Variants in SPRED2 observed in about 807,000 individuals in gnomAD.
SPRED2 encodes sprouty related EVH1 domain containing 2, also known as sprouty-related, EVH1 domain-containing protein 2.
Under a neutral mutation model 43.0 loss-of-function variants are expected in SPRED2, and 47 were observed. That is an observed-to-expected ratio of 1.09 (90% CI 0.87 to 1.40). The LOEUF is 1.40. Ranked by LOEUF, SPRED2 falls within the 40% of genes most tolerant of loss-of-function variation. The pLI is 0.00. For missense variants in SPRED2, 561 were observed against 586.4 expected, an observed-to-expected ratio of 0.96 and a Z score of 0.45; for synonymous variants, 225 against 225.7, an observed-to-expected ratio of 1.00 and a Z score of 0.03.
chr2:65,325,622 A>T (rs1014010214), intron 4 of SPRED2, among the ~76,000 whole-genome samples: 2 of 152,158 alleles, frequency 1.3e-5, no homozygotes, highest in African/African-American at 4.8e-5. Context: ...AGTTGGACTA[A>T]GCCCGTTGCT....
chr2:65,375,364 C>A (rs751083363), intron 1 of SPRED2, among the ~76,000 whole-genome samples: 3 of 152,174 alleles, frequency 2.0e-5, no homozygotes, highest in Non-Finnish European at 2.9e-5. Context: ...GTGTATAGCC[C>A]TATTCAAAAG....
Position 65,334,664 on chromosome 2 carries a change from G to A in SPRED2, c.314C>T (p.Pro105Leu). ...NRKFGLTFQS[P>L]ADARAFDRGV... Reference sequence around the variant, plus strand: ...CCTGTCAAAGGCTCGGGCATCAGCAGGGCTTTGGAAAGTAAGTCCAAACTT... The same window carrying A: ...CCTGTCAAAGGCTCGGGCATCAGCAAGGCTTTGGAAAGTAAGTCCAAACTT... Residue 105 changes from proline to leucine, a missense_variant, in exon 3 of 6, where the codon CCT becomes CTT. Pro to Leu is a moderately conservative substitution (Grantham distance 98, BLOSUM62 -3). Transcript: ENST00000356388. 6.2e-7 allele frequency: 1 copy of A among 1,614,210 alleles called. No individual in the cohort carries two copies. Among genetic ancestry groups the A allele is most frequent in the Non-Finnish European group, 8.5e-7 (1 of 1,180,038 alleles).
intron 1 of SPRED2, among the ~76,000 whole-genome samples, chr2:65,366,305 AAACAAC>A (rs6146790): frequency 6.6e-6 from 1 of 151,436 alleles, no homozygotes; most frequent in Non-Finnish European, 1.5e-5. Flanking sequence ...TAATAATAAA[AAACAAC>A]AACAACAACA....
chr2:65,350,440 G>C (rs540953697), intron 1 of SPRED2, among the ~76,000 whole-genome samples: 6 of 152,326 alleles, frequency 3.9e-5, no homozygotes, highest in Admixed American at 1.3e-4. Flanking sequence ...CCGAGTGTCT[G>C]AACTTGAGCT....
At position 65,312,815 on chromosome 2, in the gene SPRED2, A is replaced by G; in HGVS notation, c.*686T>C. 1.0e-6 allele frequency: 1 copy of G among 985,904 alleles called. No individual in the cohort carries two copies. The allele number at this position is 985,904 out of a possible 1,614,324, so 61.1% of individuals were successfully genotyped here. Reference sequence around the variant, plus strand: ...CTATTACGGGTGAATGTTTTGCATCAGTGAATCATTTCAACAGATTTTGGG... The same window carrying G: ...CTATTACGGGTGAATGTTTTGCATCGGTGAATCATTTCAACAGATTTTGGG... On this transcript the variant is annotated 3_prime_UTR_variant, in exon 6 of 6. Coordinates refer to ENST00000356388, the MANE Select transcript of SPRED2 (RefSeq NM_181784.3).
chr2:65,400,391 C>A (rs1675857773), intron 1 of SPRED2, among the ~76,000 whole-genome samples: 1 of 152,140 alleles, frequency 6.6e-6, no homozygotes, highest in Non-Finnish European at 1.5e-5. Flanking sequence ...ACAAATAGGG[C>A]CAGAAAAAAA....
intron 1 of SPRED2, among the ~76,000 whole-genome samples, chr2:65,361,841 T>C (rs1674823150): frequency 6.6e-6 from 1 of 152,220 alleles, no homozygotes; most frequent in South Asian, 2.1e-4. Context: ...GCAGCCTTTA[T>C]GACACATGCT....
At chr2:65,331,589 A>G (rs1673812998) in intron 4 of SPRED2, among the ~76,000 whole-genome samples, 1 of 152,176 alleles carries the variant, frequency 6.6e-6, no homozygotes, top group Non-Finnish European at 1.5e-5. Flanking sequence ...GTGTTCACAG[A>G]AGACTCCAAA....
intron 1 of SPRED2, among the ~76,000 whole-genome samples, chr2:65,391,325 A>G (rs138023773): frequency 6.6e-6 from 1 of 152,294 alleles, no homozygotes; most frequent in East Asian, 1.9e-4. Context: ...AACATAAAAG[A>G]ATAAACAAGA....
At chr2:65,317,513 AAACAACAACAACAAC>A (rs200353741) in intron 4 of SPRED2, among the ~76,000 whole-genome samples, 133 of 147,346 alleles carry the variant, frequency 9.0e-4, no homozygotes, top group Admixed American at 2.0e-3. Context: ...ACTCCATCTC[AAACAACAACAACAAC>A]AACAACAACA....
At chr2:65,403,263 A>C (rs534520932) in intron 1 of SPRED2, among the ~76,000 whole-genome samples, 1 of 152,304 alleles carries the variant, frequency 6.6e-6, no homozygotes, top group East Asian at 1.9e-4. Flanking sequence ...TTAGAATAAG[A>C]TCAGATAGAC....
At chr2:65,371,493 C>A (rs1329786323) in intron 1 of SPRED2, among the ~76,000 whole-genome samples, 1 of 152,128 alleles carries the variant, frequency 6.6e-6, no homozygotes, top group Non-Finnish European at 1.5e-5. Context: ...ATGTTAAATA[C>A]TGATGAGAAT....
At chr2:65,425,916 T>A (rs1452919889) in intron 1 of SPRED2, among the ~76,000 whole-genome samples, 3 of 152,246 alleles carry the variant, frequency 2.0e-5, no homozygotes, top group Non-Finnish European at 4.4e-5. Flanking sequence ...TCTGCCTCTA[T>A]TATCACTTGT....
At chr2:65,372,446 G>T (rs1224188383) in intron 1 of SPRED2, among the ~76,000 whole-genome samples, 1 of 152,218 alleles carries the variant, frequency 6.6e-6, no homozygotes, top group African/African-American at 2.4e-5. Context: ...AATGAAAAGG[G>T]AATGGTTGCG....
At chr2:65,361,756 A>T (rs1375564195) in intron 1 of SPRED2, among the ~76,000 whole-genome samples, 1 of 152,234 alleles carries the variant, frequency 6.6e-6, no homozygotes, top group East Asian at 1.9e-4. Flanking sequence ...GATTTTGCAC[A>T]TTGCAGTTCT....
intron 1 of SPRED2, 40 bp downstream of exon 1, chr2:65,431,922 C>T: frequency 6.2e-7 from 1 of 1,613,080 alleles, no homozygotes; most frequent in Non-Finnish European, 8.5e-7. Flanking sequence ...CCACGCTGCC[C>T]CTGAGGGGCA....
intron 5 of SPRED2, among the ~76,000 whole-genome samples, 182 bp from the exon 6 acceptor site, chr2:65,314,351 G>A (rs998379012): frequency 6.6e-6 from 1 of 152,232 alleles, no homozygotes; most frequent in Non-Finnish European, 1.5e-5. Context: ...CGCCCAGTCA[G>A]AGATGTATTT....
intron 1 of SPRED2, among the ~76,000 whole-genome samples, chr2:65,385,432 G>T (rs368202833): frequency 6.6e-6 from 1 of 152,156 alleles, no homozygotes; most frequent in Non-Finnish European, 1.5e-5. Flanking sequence ...TCCATTAACC[G>T]CCATTGTGAA....
At position 65,432,104 on chromosome 2, in the gene SPRED2, C is replaced by G; in HGVS notation, c.-117G>C. 1 of 1,368,944 alleles carries G rather than the reference C, an allele frequency of 7.3e-7. No homozygotes were observed. Among genetic ancestry groups the G allele is most frequent in the Non-Finnish European group, 1.0e-6 (1 of 979,804 alleles). The allele number at this position is 1,368,944 out of a possible 1,614,324, so 84.8% of individuals were successfully genotyped here. On this transcript the variant is annotated 5_prime_UTR_variant, in exon 1 of 6. Coordinates refer to ENST00000356388, the MANE Select transcript of SPRED2 (RefSeq NM_181784.3). Reference sequence around the variant, plus strand: ...GATCGCCTGATTTGGGGAGGGGGGGCGGCTAGAGATGAAGAGGGCGCCGCA... The same window carrying G: ...GATCGCCTGATTTGGGGAGGGGGGGGGGCTAGAGATGAAGAGGGCGCCGCA...
Sources: allele counts gnomAD v4.1 joint callset (sites outside exome capture counted in the v4.1 genomes callset), GRCh38; gene constraint gnomAD v4.1.1; transcripts MANE v1.5; gene names NCBI Gene and HGNC (gene_info 2026-07-23, HGNC 2026-07-21).